SP140L: variants seen among roughly 807,000 people sequenced by gnomAD.
The protein encoded by SP140L is nuclear body protein SP140-like protein.
Under a neutral mutation model 84.3 loss-of-function variants are expected in SP140L, and 64 were observed. The observed-to-expected ratio is 0.76, with a 90% CI of 0.62 to 0.94. The LOEUF (loss-of-function observed/expected upper bound fraction) is 0.94. Among genes scored for constraint, SP140L ranks in the 40% least tolerant of loss-of-function variants. The pLI, the probability that SP140L is intolerant of heterozygous loss-of-function variation, is 0.00. For missense variants in SP140L, 628 were observed against 692.5 expected, an observed-to-expected ratio of 0.91 and a Z score of 1.05; for synonymous variants, 242 against 236.9, an observed-to-expected ratio of 1.02 and a Z score of -0.20.
chr2:230,384,198 T>A (rs1213697796), intron 8 of SP140L, among the ~76,000 whole-genome samples: 3 of 152,264 alleles, frequency 2.0e-5, no homozygotes, highest in Non-Finnish European at 4.4e-5. Flanking sequence ...ATCTTCAACT[T>A]TTATAATGAA....
chr2:230,350,488 T>C (rs1395331420), intron 2 of SP140L, among the ~76,000 whole-genome samples: 1 of 152,218 alleles, frequency 6.6e-6, no homozygotes. Flanking sequence ...AAAACAATGC[T>C]TCAATAAATA....
rs1226815463 is a variant in SP140L, at chr2:230,385,225, T to A, written c.705T>A (p.Asp235Glu). 2 of 1,613,498 alleles carry A rather than the reference T, an allele frequency of 1.2e-6. No individual in the cohort carries two copies. Among genetic ancestry groups the A allele is most frequent in the Non-Finnish European group, 1.7e-6 (2 of 1,179,614 alleles). The change falls in exon 9 of 19, where the codon GAT (aspartate) becomes GAA (glutamate). Residue 235 changes from aspartate (D) to glutamate (E), a missense_variant and splice_region_variant. Physicochemically the swap from Asp to Glu is conservative, Grantham distance 45 (BLOSUM62 2). Around this residue, in one of 4 missense-constraint regions of SP140L, gnomAD observed 525 missense variants for 518.4 expected, o/e 1.01. Coordinates refer to ENST00000415673, the MANE Select transcript of SP140L (RefSeq NM_138402.6). ...ACATTTTCCCTTGCCTATCCCCAGA[T>A]AACAGCAAAGCCGATGGCCAGCTGG... is the stretch of plus-strand genomic sequence containing the variant. ...TRTQKNNQQNDNSKADGQLVS... is the reference protein window; with the variant it reads ...TRTQKNNQQNENSKADGQLVS...
At chr2:230,368,235 T>C (rs909968354) in intron 5 of SP140L, among the ~76,000 whole-genome samples, 11 of 152,228 alleles carry the variant, frequency 7.2e-5, no homozygotes, top group African/African-American at 2.7e-4. Context: ...GAAGGACACC[T>C]TTGCCAAATA....
intron 2 of SP140L, among the ~76,000 whole-genome samples, chr2:230,340,856 G>C (rs1357268022): frequency 6.8e-6 from 1 of 147,754 alleles, no homozygotes. Context: ...TCTGCTGAGA[G>C]ATCCGCTGTT....
At chr2:230,365,157 T>C (rs1011720023) in intron 5 of SP140L, among the ~76,000 whole-genome samples, 3 of 152,130 alleles carry the variant, frequency 2.0e-5, no homozygotes, top group African/African-American at 7.2e-5. Flanking sequence ...ATCAGGGTAA[T>C]GTTGGCTTCA....
intron 5 of SP140L, among the ~76,000 whole-genome samples, chr2:230,369,569 G>T: frequency 6.6e-6 from 1 of 152,192 alleles, no homozygotes; most frequent in East Asian, 1.9e-4. Context: ...CAGACTTTCA[G>T]AAACAGGAGT....
chr2:230,390,201 A>G (rs1052738927), intron 11 of SP140L, among the ~76,000 whole-genome samples, 178 bp downstream of exon 11: 1 of 152,236 alleles, frequency 6.6e-6, no homozygotes, highest in African/African-American at 2.4e-5. Context: ...CACACCCATT[A>G]GACGCTGACT....
chr2:230,335,545 T>C (rs986640496), intron 2 of SP140L, among the ~76,000 whole-genome samples: 4 of 152,212 alleles, frequency 2.6e-5, no homozygotes, highest in South Asian at 4.1e-4. Flanking sequence ...TCCTATCACA[T>C]TGTGGTTAGA....
chr2:230,358,080 T>C, intron 3 of SP140L, 113 bp downstream of exon 3: 1 of 1,242,692 alleles, frequency 8.0e-7, no homozygotes, highest in Admixed American at 2.1e-5. Flanking sequence ...TCACCAGAGA[T>C]GGTCCTACTT....
chr2:230,348,274 C>T (rs1045272684), intron 2 of SP140L, among the ~76,000 whole-genome samples: 1 of 152,162 alleles, frequency 6.6e-6, no homozygotes, highest in Non-Finnish European at 1.5e-5. Flanking sequence ...AATATAGTAA[C>T]ATTATAGTAA....
At chr2:230,339,943 G>A (rs964302089) in intron 2 of SP140L, among the ~76,000 whole-genome samples, 1 of 151,084 alleles carries the variant, frequency 6.6e-6, no homozygotes, top group Non-Finnish European at 1.5e-5. Flanking sequence ...GAATAGGTGT[G>A]GTGCTGAAAA....
In SP140L at chr2:230,403,004, G is replaced by A; in HGVS notation, c.*108G>A. 1 of 850,930 alleles carries A rather than the reference G, an allele frequency of 1.2e-6. No individual in the cohort carries two copies. The highest frequency in any genetic ancestry group is 1.8e-5 in the South Asian group (1 of 56,646). The allele number at this position is 850,930 out of a possible 1,614,324, so 52.7% of individuals were successfully genotyped here. On this transcript the variant is annotated 3_prime_UTR_variant, in exon 19 of 19. Transcript: ENST00000415673. ...CACATGCAGGGAGAGGCTTTTCTCT[G>A]AGCCTCCCTCATCTGCCCAAAAACA...
At chr2:230,394,214 T>C (rs2061949473) in intron 13 of SP140L, among the ~76,000 whole-genome samples, 1 of 152,248 alleles carries the variant, frequency 6.6e-6, no homozygotes, top group Admixed American at 6.5e-5. Context: ...TGATTTTTCC[T>C]TCACTTAAGA....
intron 5 of SP140L, among the ~76,000 whole-genome samples, chr2:230,369,538 G>A (rs776777648): frequency 1.3e-5 from 2 of 152,146 alleles, no homozygotes; most frequent in Non-Finnish European, 2.9e-5. Context: ...TAGAGTTTTA[G>A]GAAACATAGT....
intron 4 of SP140L, among the ~76,000 whole-genome samples, chr2:230,360,103 C>T (rs903775639): frequency 1.3e-5 from 2 of 152,178 alleles, no homozygotes; most frequent in Non-Finnish European, 2.9e-5. Flanking sequence ...ATTCTCCTCA[C>T]AGTTTGATCT....
At chr2:230,342,969 G>A (rs74268399) in intron 2 of SP140L, among the ~76,000 whole-genome samples, 18,277 of 152,110 alleles carry the variant, frequency 0.12, 1,135 homozygotes, top group Middle Eastern at 0.15. Flanking sequence ...GTAAAGCTAC[G>A]TTGTTGGAGA....
chr2:230,356,124 C>T (rs536138508), intron 2 of SP140L, among the ~76,000 whole-genome samples: 25 of 152,324 alleles, frequency 1.6e-4, no homozygotes, highest in African/African-American at 5.8e-4. Context: ...TTAGCTATCA[C>T]ATCGTACACA....
intron 13 of SP140L, among the ~76,000 whole-genome samples, chr2:230,394,523 G>T (rs1055484989): frequency 6.6e-6 from 1 of 152,158 alleles, no homozygotes; most frequent in Non-Finnish European, 1.5e-5. Flanking sequence ...TTCCCGAAGG[G>T]AAACTATGAT....
chr2:230,400,683 T>C (rs2062288618), intron 15 of SP140L: 1 of 696,052 alleles, frequency 1.4e-6, no homozygotes, highest in Middle Eastern at 4.4e-4. Flanking sequence ...GCAGGACTCC[T>C]TGTGCTCCCA....
Sources: gnomAD v4.1 joint callset for allele counts (sites outside exome capture counted in the v4.1 genomes callset) on GRCh38, gnomAD v4.1.1 for gene constraint, gnomAD v4.1.1 regional missense constraint, MANE v1.5 for transcripts, NCBI Gene and HGNC (gene_info 2026-07-23, HGNC 2026-07-21) for gene names.